KCNQ1: variants seen among roughly 807,000 people sequenced by gnomAD.
KCNQ1 encodes potassium voltage-gated channel subfamily KQT member 1.
Under a neutral mutation model 72.4 loss-of-function variants are expected in KCNQ1, and 49 were observed. That is an observed-to-expected ratio of 0.68 (90% CI 0.54 to 0.86). KCNQ1 has a LOEUF of 0.86. KCNQ1 is among the 40% of genes least tolerant of loss of function. The pLI is 0.00. For missense variants in KCNQ1, 790 were observed against 945.1 expected (o/e 0.84, Z 2.15); for synonymous variants, 450 against 412.6 (o/e 1.09, Z -1.10).
chr11:2,821,274 C>T (rs1436369370), intron 15 of KCNQ1, among the ~76,000 whole-genome samples: 3 of 152,204 alleles, frequency 2.0e-5, no homozygotes, highest in East Asian at 1.9e-4. Context: ...AGAGGCCCCG[C>T]GTGGGGCAGG....
chr11:2,449,344 G>A (rs1253717407), intron 1 of KCNQ1, among the ~76,000 whole-genome samples: 1 of 152,230 alleles, frequency 6.6e-6, no homozygotes, highest in African/African-American at 2.4e-5. Context: ...GCGAGGTACT[G>A]GAACCTTTGC....
At chr11:2,546,637 T>A (rs938789799) in intron 2 of KCNQ1, among the ~76,000 whole-genome samples, 2 of 136,048 alleles carry the variant, frequency 1.5e-5, no homozygotes, top group Admixed American at 7.0e-5. Flanking sequence ...ATGTATTTTA[T>A]TTTTTGCTTT....
Position 2,735,420 on chromosome 11 carries a change from G to T in KCNQ1, c.1515-33424G>T, listed in dbSNP as rs1032919561. ...CCCCTTCCTTCAGAGCCCAACCACT[G>T]CTTGCTCCTTCCCACCCCTCCTAGG... On this transcript the variant is annotated intron_variant, in intron 11 of 15. Transcript: ENST00000155840. The surrounding 1 kb of genome is among the most constrained non-coding windows in gnomAD (Gnocchi z 7.7). Among the ~76,000 whole-genome samples the T allele has an allele frequency of 1.3e-5, 2 of 151,080 alleles. No homozygotes were observed. Among genetic ancestry groups the T allele is most frequent in the Admixed American group, 1.3e-4 (2 of 15,174 alleles).
chr11:2,644,455 A>C, intron 10 of KCNQ1: 1 of 398,322 alleles, frequency 2.5e-6, no homozygotes, highest in Non-Finnish European at 4.4e-6. Context: ...CTCTTGGGCA[A>C]ATTTCTCATT....
rs1033517477 is a variant in KCNQ1 at position 2,515,467 on chromosome 11, T to C, written c.387-12461T>C. On this transcript the variant is annotated intron_variant, in intron 1 of 15. Transcript: ENST00000155840. This position sits in a 1 kb window ranked among gnomAD's most constrained non-coding sequence, Gnocchi z 4.7. ...TCCCACCCGTCCCCGAGGCCCCTGC[T>C]GCCCAGCAAGACCACCACCCTCTGC... Among the ~76,000 whole-genome samples, 1 of 143,490 alleles carries C rather than the reference T, an allele frequency of 7.0e-6. No homozygotes were observed. The highest frequency in any genetic ancestry group is 1.5e-5 in the Non-Finnish European group (1 of 64,834). The allele number at this position is 143,490 out of a possible 152,430, so 94.1% of individuals were successfully genotyped here.
In KCNQ1 at chr11:2,720,625, G is replaced by A. The variant is rs1851186487; in HGVS notation, c.1515-48219G>A. Reference sequence around the variant, plus strand: ...TCCTATGTTGGGGGTGTCAGCCTGGGTGTCAAGGCTGAAGAGGGGAGCCTC... The same window carrying A: ...TCCTATGTTGGGGGTGTCAGCCTGGATGTCAAGGCTGAAGAGGGGAGCCTC... On this transcript the variant is annotated intron_variant, in intron 11 of 15. Coordinates refer to ENST00000155840, the MANE Select transcript of KCNQ1 (RefSeq NM_000218.3). The surrounding 1 kb of genome is among the most constrained non-coding windows in gnomAD (Gnocchi z 5.1). Among the ~76,000 whole-genome samples the A allele has an allele frequency of 6.6e-6, 1 of 152,172 alleles. No homozygotes were observed.
chr11:2,469,632 C>A (rs568147940), intron 1 of KCNQ1, among the ~76,000 whole-genome samples: 1 of 152,090 alleles, frequency 6.6e-6, no homozygotes, highest in South Asian at 2.1e-4. Context: ...CTCTGTGAAG[C>A]CTTCCCTTAT....
chr11:2,683,756 G>C lies in KCNQ1; in HGVS notation c.1514+21675G>C, dbSNP rs935195989. The C allele has an allele frequency of 1.0e-5, 4 of 398,488 alleles. No individual in the cohort carries two copies. Among genetic ancestry groups the C allele is most frequent in the Non-Finnish European group, 1.8e-5 (4 of 226,074 alleles). The allele number at this position is 398,488 out of a possible 1,614,324, so 24.7% of individuals were successfully genotyped here. A position where few individuals can be genotyped will look rare whatever the true frequency, so the allele number is the denominator to read the frequency against. On this transcript the variant is annotated intron_variant, in intron 11 of 15. Transcript: ENST00000155840. This position sits in a 1 kb window ranked among gnomAD's most constrained non-coding sequence, Gnocchi z 4.7. ...GCTTTAGCTCTGAGGCAGCCCAGAT[G>C]ACATGGGCCTCTAAGGCTGGCTGCT...
intron 1 of KCNQ1, among the ~76,000 whole-genome samples, chr11:2,489,882 C>T (rs779433735): frequency 7.9e-5 from 12 of 152,172 alleles, no homozygotes; most frequent in Non-Finnish European, 1.8e-4. Context: ...CAGGTAGTAT[C>T]CTGTGGGCCT....
intron 2 of KCNQ1, among the ~76,000 whole-genome samples, chr11:2,533,930 A>T (rs1589934981): frequency 6.6e-6 from 1 of 151,288 alleles, no homozygotes; most frequent in African/African-American, 2.4e-5. Flanking sequence ...TGGTTAAAAA[A>T]CCCCGTGAGC....
At chr11:2,529,650 T>G (rs977580336) in intron 2 of KCNQ1, among the ~76,000 whole-genome samples, 2 of 152,214 alleles carry the variant, frequency 1.3e-5, no homozygotes, top group African/African-American at 4.8e-5. Flanking sequence ...TAATTTCTGC[T>G]ACAGCCTGTG....
At chr11:2,648,877 G>A (rs1349281964) in intron 10 of KCNQ1, 3 of 398,014 alleles carry the variant, frequency 7.5e-6, no homozygotes, top group Non-Finnish European at 1.3e-5. Context: ...TAATATACCT[G>A]GGTACTCCAG....
At position 2,454,227 on chromosome 11, in the gene KCNQ1, G is replaced by T. The variant is rs372976770; in HGVS notation, c.386+8743G>T. On this transcript the variant is annotated intron_variant, in intron 1 of 15. Transcript: ENST00000155840. ...AGTTTACCTCAAAAGGGTGGCGGGG[G>T]GGGAGGTGGCATATGGAATCAAGAT... 5.9e-5 allele frequency among the ~76,000 whole-genome samples: 9 copies of T among 152,152 alleles called. No individual in the cohort carries two copies. In the East Asian group the frequency reaches 1.2e-3, roughly 19 times the overall value.
chr11:2,554,215 A>T (rs1848035954), intron 2 of KCNQ1, among the ~76,000 whole-genome samples: 1 of 152,180 alleles, frequency 6.6e-6, no homozygotes, highest in South Asian at 2.1e-4. Context: ...GTTTGTGTAG[A>T]ATTGCAATTA....
At chr11:2,780,181 T>C (rs1846797129) in intron 15 of KCNQ1, among the ~76,000 whole-genome samples, 1 of 152,160 alleles carries the variant, frequency 6.6e-6, no homozygotes, top group Non-Finnish European at 1.5e-5. Flanking sequence ...GACAGAGCTG[T>C]GCTGACCTAG....
At chr11:2,837,618 G>C (rs1848100608) in intron 15 of KCNQ1, among the ~76,000 whole-genome samples, 1 of 152,216 alleles carries the variant, frequency 6.6e-6, no homozygotes, top group African/African-American at 2.4e-5. Context: ...AGACAGAGGT[G>C]GGGGATGGAA....
chr11:2,823,576 C>A (rs1260282619), intron 15 of KCNQ1, among the ~76,000 whole-genome samples: 1 of 152,194 alleles, frequency 6.6e-6, no homozygotes, highest in East Asian at 1.9e-4. Flanking sequence ...GGGCTACAGG[C>A]CTCCAGCCCA....
chr11:2,586,700 C>G (rs886752885), intron 8 of KCNQ1, among the ~76,000 whole-genome samples: 81 of 152,264 alleles, frequency 5.3e-4, no homozygotes, highest in African/African-American at 1.9e-3. Context: ...CCTCGCCTGC[C>G]TGTCCCTGGG....
chr11:2,557,459 A>G (rs1345474682), intron 2 of KCNQ1, among the ~76,000 whole-genome samples: 1 of 152,240 alleles, frequency 6.6e-6, no homozygotes, highest in South Asian at 2.1e-4. Flanking sequence ...TCTAACAGTA[A>G]TTTGAAATAA....
Sources: allele counts gnomAD v4.1 joint callset (sites outside exome capture counted in the v4.1 genomes callset), GRCh38; gene constraint gnomAD v4.1.1; non-coding constraint Gnocchi (gnomAD v3.1); transcripts MANE v1.5; gene names NCBI Gene and HGNC (gene_info 2026-07-23, HGNC 2026-07-21).